MYO7A: variants seen among roughly 807,000 people sequenced by gnomAD.
The protein encoded by MYO7A is myosin VIIA, also known as unconventional myosin-VIIa.
In MYO7A, 210 loss-of-function variants were observed where a neutral mutation model predicts 263.8. The observed-to-expected ratio is 0.80, with a 90% confidence interval of 0.71 to 0.89. The LOEUF (loss-of-function observed/expected upper bound fraction) is 0.89. MYO7A is among the 40% of genes least tolerant of loss of function. MYO7A has a pLI of 0.00. For synonymous variants in MYO7A, 1,239 were observed against 1,197.3 expected (o/e 1.03, Z -0.72); for missense variants, 2,820 against 2,968.3 (o/e 0.95, Z 1.16).
intron 37 of MYO7A, 116 bp from the exon 38 acceptor site, chr11:77,202,943 GC>G: frequency 7.8e-7 from 1 of 1,275,556 alleles, no homozygotes; most frequent in Non-Finnish European, 1.1e-6. Context: ...AGGGCCTGGT[GC>G]CCACTCTCAG....
Position 77,213,941 on chromosome 11 carries a change from T to C in MYO7A, c.6520T>C (p.Leu2174=), listed in dbSNP as rs377251326. The C allele has an allele frequency of 6.2e-5, 100 of 1,613,926 alleles. No individual in the cohort carries two copies. The highest frequency in any genetic ancestry group is 8.3e-5 in the Non-Finnish European group (98 of 1,179,880). ...CTACTTCCACATCACCATTGGGAAC[T>C]TGGTGCGCGGGAGCAAACTGCTCTG... ...NTYFHITIGN[L]VRGSKLLCET... The change falls in exon 48 of 49, where the codon TTG becomes CTG. Residue 2174 remains leucine (L), a synonymous_variant. Transcript: ENST00000409709.
intron 12 of MYO7A, 69 bp downstream of exon 12, chr11:77,161,184 C>A: frequency 6.3e-7 from 1 of 1,586,792 alleles, no homozygotes; most frequent in Admixed American, 1.7e-5. Context: ...TCACGTCTCT[C>A]CCTTGCGAAG....
At chr11:77,190,197 T>A in intron 29 of MYO7A, 58 bp downstream of exon 29, 1 of 1,145,986 alleles carries the variant, frequency 8.7e-7, no homozygotes, top group Non-Finnish European at 1.2e-6. Context: ...TGTAAATGCG[T>A]GTGTGTGTGT....
At chr11:77,155,838 C>A in intron 4 of MYO7A, 69 bp from the exon 5 acceptor site, 1 of 1,471,494 alleles carries the variant, frequency 6.8e-7, no homozygotes. Flanking sequence ...AGGGCAGAGC[C>A]CAAGAGCTTT....
intron 34 of MYO7A, among the ~76,000 whole-genome samples, chr11:77,199,217 G>C (rs1366581288): frequency 6.6e-6 from 1 of 152,240 alleles, no homozygotes; most frequent in Non-Finnish European, 1.5e-5. Context: ...GTAGTGACAA[G>C]ATAGTCCTTG....
chr11:77,210,922 T>C (rs908328558), intron 44 of MYO7A: 2 of 511,424 alleles, frequency 3.9e-6, no homozygotes, highest in Admixed American at 3.3e-5. Context: ...GTAACAGACA[T>C]GGCCATGCAC....
At chr11:77,174,735 C>A in intron 16 of MYO7A, 21 bp from the exon 17 acceptor site, 2 of 1,563,526 alleles carry the variant, frequency 1.3e-6, no homozygotes, top group Non-Finnish European at 1.7e-6. Flanking sequence ...GCCCTGATGC[C>A]CTTGGCTGTG....
intron 44 of MYO7A, chr11:77,209,176 C>T: frequency 8.7e-6 from 2 of 230,302 alleles, no homozygotes; most frequent in Non-Finnish European, 1.7e-5. Context: ...GGGAAGCTTG[C>T]ATGTTGAGCC....
At position 77,191,994 on chromosome 11, in the gene MYO7A, G is replaced by C. The variant is rs536567348; in HGVS notation, c.3925-57G>C. 6.0e-5 allele frequency: 89 copies of C among 1,488,294 alleles called. No homozygotes were observed. In the African/African-American group the frequency reaches 1.2e-3, roughly 19 times the overall value. The allele number at this position is 1,488,294 out of a possible 1,614,324, so 92.2% of individuals were successfully genotyped here. On this transcript the variant is annotated intron_variant, in intron 30 of 48. Transcript: ENST00000409709. ...TGAACTGACCGTTGGCCCCGTTGAG[G>C]CTCCTCATAGTCCTTCCCTGACTCT...
chr11:77,173,326 C>T (rs1278523215), intron 16 of MYO7A, among the ~76,000 whole-genome samples: 1 of 152,226 alleles, frequency 6.6e-6, no homozygotes, highest in Non-Finnish European at 1.5e-5. Context: ...TCCTTTGGCC[C>T]AGCTCAACCA....
intron 29 of MYO7A, 45 bp from the exon 30 acceptor site, chr11:77,190,652 G>A: frequency 1.9e-6 from 3 of 1,547,686 alleles, no homozygotes; most frequent in African/African-American, 1.4e-5. Flanking sequence ...GGGCAGGCAG[G>A]TCTGAAGGGA....
At chr11:77,203,307 G>C in intron 38 of MYO7A, 90 bp downstream of exon 38, 1 of 1,424,042 alleles carries the variant, frequency 7.0e-7, no homozygotes, top group South Asian at 1.3e-5. Flanking sequence ...GGCCTGCTGC[G>C]ACCCGGGCAC....
intron 32 of MYO7A, among the ~76,000 whole-genome samples, chr11:77,197,107 T>C (rs754126732): frequency 6.6e-6 from 1 of 152,196 alleles, no homozygotes; most frequent in Non-Finnish European, 1.5e-5. Flanking sequence ...CCGTCTGCCC[T>C]GCCCACGCCT....
intron 18 of MYO7A, among the ~76,000 whole-genome samples, chr11:77,177,317 C>T (rs1212184839): frequency 2.0e-5 from 3 of 152,186 alleles, no homozygotes; most frequent in African/African-American, 7.2e-5. Flanking sequence ...AGAGATTAGG[C>T]ACCTTCTGCT....
intron 46 of MYO7A, chr11:77,212,395 C>A: frequency 2.8e-6 from 1 of 359,368 alleles, no homozygotes; most frequent in Non-Finnish European, 5.5e-6. Flanking sequence ...GTAGTGAGGG[C>A]AGGAGGCGAG....
intron 14 of MYO7A, among the ~76,000 whole-genome samples, chr11:77,163,606 T>G (rs1555070638): frequency 6.6e-6 from 1 of 152,180 alleles, no homozygotes; most frequent in Non-Finnish European, 1.5e-5. Flanking sequence ...AAATACGTCA[T>G]TACCATCTTA....
Position 77,154,013 on chromosome 11 carries a change from G to A in MYO7A, c.286-1894G>A, listed in dbSNP as rs563602261. Among the ~76,000 whole-genome samples the A allele has an allele frequency of 7.2e-5, 11 of 152,306 alleles. No individual in the cohort carries two copies. In the South Asian group the frequency reaches 1.7e-3, roughly 23 times the overall value. Reference sequence around the variant, plus strand: ...GCCTAGAACCCCAGCTACTCGAGACGTGGAGGCAGGAGAATCTCTTGAACC... The same window carrying A: ...GCCTAGAACCCCAGCTACTCGAGACATGGAGGCAGGAGAATCTCTTGAACC... On this transcript the variant is annotated intron_variant, in intron 4 of 48. Coordinates refer to ENST00000409709, the MANE Select transcript of MYO7A (RefSeq NM_000260.4).
chr11:77,190,742 G>A lies in MYO7A; in HGVS notation c.3796G>A (p.Asp1266Asn). 1 of 1,600,054 alleles carries A rather than the reference G, an allele frequency of 6.2e-7. No homozygotes were observed. ...AATCATGTTGCCCGTGACATTCATG[G>A]ATGGGACCACCAAGACCCTGCTGAC... ...KPIMLPVTFM[D>N]GTTKTLLTDS... Residue 1266 changes from aspartate to asparagine, a missense_variant, in exon 30 of 49, where the codon GAT becomes AAT. By Grantham distance (23) the Asp-to-Asn change is conservative. Coordinates refer to ENST00000409709, the MANE Select transcript of MYO7A (RefSeq NM_000260.4).
At chr11:77,158,146 T>G in intron 8 of MYO7A, 131 bp from the exon 9 acceptor site, 1 of 941,894 alleles carries the variant, frequency 1.1e-6, no homozygotes, top group Non-Finnish European at 1.5e-6. Context: ...CCGGGTGAGG[T>G]CAGCGCCTGG....
Sources: gnomAD v4.1 joint callset for allele counts (sites outside exome capture counted in the v4.1 genomes callset) on GRCh38, gnomAD v4.1.1 for gene constraint, MANE v1.5 for transcripts, NCBI Gene and HGNC (gene_info 2026-07-23, HGNC 2026-07-21) for gene names.